SBF2: variants seen among roughly 807,000 people sequenced by gnomAD.
The protein encoded by SBF2 is SET binding factor 2.
SBF2 carries 112 observed loss-of-function variants against 225.2 expected under a neutral mutation model. The observed-to-expected ratio is 0.50, with a 90% CI of 0.43 to 0.58. The LOEUF (loss-of-function observed/expected upper bound fraction) is 0.58, where lower values mean the gene tolerates loss of function less well. Ranked by LOEUF, SBF2 falls within the 20% of genes least tolerant of loss-of-function variation. The pLI is 0.00. For missense variants in SBF2, 1,996 were observed against 2,206.2 expected, an observed-to-expected ratio of 0.90 and a Z score of 1.91; for synonymous variants, 763 against 773.3, an observed-to-expected ratio of 0.99 and a Z score of 0.22.
chr11:9,918,263 TGTA>T (rs1863278813), intron 16 of SBF2, among the ~76,000 whole-genome samples: 1 of 152,212 alleles, frequency 6.6e-6, no homozygotes, highest in African/African-American at 2.4e-5. Flanking sequence ...GGGGGAGCTC[TGTA>T]GTACAAATCA....
At chr11:9,888,005 T>C (rs1456927204) in intron 17 of SBF2, among the ~76,000 whole-genome samples, 1 of 152,196 alleles carries the variant, frequency 6.6e-6, no homozygotes. Flanking sequence ...ATTTTTCTTC[T>C]AGCCACAATC....
chr11:9,804,276 C>T (rs190719903), intron 32 of SBF2, among the ~76,000 whole-genome samples: 306 of 152,298 alleles, frequency 2.0e-3, no homozygotes, highest in Non-Finnish European at 3.4e-3. Flanking sequence ...GGACCTATTT[C>T]CTGCCCTGTT....
At chr11:9,985,615 G>A (rs992671507) in intron 13 of SBF2, among the ~76,000 whole-genome samples, 1 of 152,110 alleles carries the variant, frequency 6.6e-6, no homozygotes, top group African/African-American at 2.4e-5. Flanking sequence ...GCGACACCAC[G>A]CCTGGCTGGG....
intron 2 of SBF2, among the ~76,000 whole-genome samples, chr11:10,074,219 T>C (rs1951007306): frequency 6.6e-6 from 1 of 152,180 alleles, no homozygotes; most frequent in African/African-American, 2.4e-5. Context: ...TTGTTCTCTA[T>C]TTTTATCTTT....
chr11:9,992,415 C>T lies in SBF2; in HGVS notation c.1296G>A (p.Glu432=). 1 of 1,611,556 alleles carries T rather than the reference C, an allele frequency of 6.2e-7. No individual in the cohort carries two copies. The highest frequency in any genetic ancestry group is 8.5e-7 in the Non-Finnish European group (1 of 1,178,452). Residue 432 remains glutamate, a splice_region_variant and synonymous_variant, in exon 12 of 40, where the codon GAG becomes GAA. Coordinates refer to ENST00000256190, the MANE Select transcript of SBF2 (RefSeq NM_030962.4). ...TGCCTTCATTTAATAAGAGCTATAC[C>T]TCATCAAAGAGATCACAAGATCTAT... is the stretch of plus-strand genomic sequence containing the variant. ...PPYRSCDLFD[E]LVAFEVERIK...
chr11:9,828,585 A>G lies in SBF2; in HGVS notation c.3793+771T>C, dbSNP rs1590170622. 4 of 985,410 alleles carry G rather than the reference A, an allele frequency of 4.1e-6. No homozygotes were observed. In the East Asian group the frequency reaches 3.4e-4, roughly 84 times the overall value. The allele number at this position is 985,410 out of a possible 1,614,324, so 61.0% of individuals were successfully genotyped here. A position where few individuals can be genotyped will look rare whatever the true frequency, so the allele number is the denominator to read the frequency against. ...AGTCACATGCTCCTGTGTCTAACAC[A>G]TTAGGGTTACCTCTACATGAACCCT... is the stretch of plus-strand genomic sequence containing the variant. On this transcript the variant is annotated intron_variant, in intron 28 of 39. Transcript: ENST00000256190.
intron 2 of SBF2, among the ~76,000 whole-genome samples, chr11:10,060,200 C>T (rs1407500764): frequency 6.6e-6 from 1 of 152,138 alleles, no homozygotes; most frequent in African/African-American, 2.4e-5. Flanking sequence ...GGGGATGTTA[C>T]TACTGAACCC....
chr11:10,126,507 T>C (rs1167220104), intron 2 of SBF2, among the ~76,000 whole-genome samples: 2 of 152,120 alleles, frequency 1.3e-5, no homozygotes, highest in African/African-American at 4.8e-5. Context: ...CTGGAAAATA[T>C]GGAGCATGTG....
intron 16 of SBF2, among the ~76,000 whole-genome samples, chr11:9,949,627 C>T (rs1030419886): frequency 2.6e-5 from 4 of 152,122 alleles, no homozygotes; most frequent in African/African-American, 7.2e-5. Context: ...TATTATGACG[C>T]TTTACTTTTT....
intron 2 of SBF2, among the ~76,000 whole-genome samples, chr11:10,062,735 T>G (rs1466878561): frequency 6.6e-6 from 1 of 152,174 alleles, no homozygotes; most frequent in Non-Finnish European, 1.5e-5. Context: ...TATACACTGT[T>G]GGTGGGAGTG....
chr11:10,164,609 G>A (rs1015652837), intron 2 of SBF2, among the ~76,000 whole-genome samples: 4 of 152,076 alleles, frequency 2.6e-5, no homozygotes, highest in African/African-American at 9.7e-5. Flanking sequence ...TAACTGTTAC[G>A]GGAGCACGGT....
At chr11:10,043,129 G>A (rs764124441) in intron 2 of SBF2, 148 bp from the exon 3 acceptor site, 100 of 751,070 alleles carry the variant, frequency 1.3e-4, no homozygotes, top group Non-Finnish European at 6.2e-5. Flanking sequence ...AAAAGTTAAT[G>A]TACAGATTCA....
chr11:10,005,090 CA>C (rs1197469508), intron 6 of SBF2, among the ~76,000 whole-genome samples: 7 of 152,150 alleles, frequency 4.6e-5, no homozygotes, highest in African/African-American at 1.7e-4. Flanking sequence ...AATAATTGGT[CA>C]TAGCTGATGC....
At chr11:9,979,460 A>G (rs538756506) in intron 13 of SBF2, among the ~76,000 whole-genome samples, 30 of 152,352 alleles carry the variant, frequency 2.0e-4, no homozygotes, top group Admixed American at 1.2e-3. Context: ...CACAGCCACT[A>G]TAAGTGGCAA....
intron 2 of SBF2, among the ~76,000 whole-genome samples, chr11:10,101,657 C>CTGTGTG (rs1394904122): frequency 1.4e-4 from 13 of 94,174 alleles, no homozygotes; most frequent in African/African-American, 3.8e-4. Flanking sequence ...CTCTCTCTCG[C>CTGTGTG]TCTGTGTGTG....
At chr11:9,783,090 T>TAAAG (rs1852136846) in intron 38 of SBF2, 1 of 119,560 alleles carries the variant, frequency 8.4e-6, no homozygotes, top group Non-Finnish European at 2.0e-5. Context: ...TCTTTCATGT[T>TAAAG]AAAGAAGTCC....
intron 16 of SBF2, among the ~76,000 whole-genome samples, chr11:9,901,205 A>G (rs187954319): frequency 1.3e-5 from 2 of 152,392 alleles, no homozygotes; most frequent in East Asian, 1.9e-4. Flanking sequence ...AGACCAAAAT[A>G]TAAGTAGAAA....
intron 2 of SBF2, among the ~76,000 whole-genome samples, chr11:10,067,304 G>C (rs1397336597): frequency 1.3e-5 from 2 of 152,150 alleles, no homozygotes; most frequent in African/African-American, 4.8e-5. Context: ...ATCTATGTTT[G>C]AATAAATCTA....
At chr11:9,913,643 A>AAAAAATAAAAT (rs1862830358) in intron 16 of SBF2, among the ~76,000 whole-genome samples, 1 of 144,742 alleles carries the variant, frequency 6.9e-6, no homozygotes, top group Admixed American at 7.0e-5. Context: ...CTGAGATTAA[A>AAAAAATAAAAT]AAAATAAAAT....
Sources: allele counts gnomAD v4.1 joint callset (sites outside exome capture counted in the v4.1 genomes callset), GRCh38; gene constraint gnomAD v4.1.1; transcripts MANE v1.5; gene names NCBI Gene and HGNC (gene_info 2026-07-23, HGNC 2026-07-21).